NBAS: variants seen among roughly 807,000 people sequenced by gnomAD.
NBAS encodes the protein NAG/BC035112 fusion.
NBAS carries 219 observed loss-of-function variants against 302.5 expected under a neutral mutation model. That is an observed-to-expected ratio of 0.72 (90% CI 0.65 to 0.81). The LOEUF (loss-of-function observed/expected upper bound fraction) is 0.81. Ranked by LOEUF, NBAS falls within the 30% of genes least tolerant of loss-of-function variation. The probability of loss-of-function intolerance (pLI) is 0.00; values close to 1 mark genes in which losing one functional copy is unlikely to be tolerated. For missense variants in NBAS, 2,932 were observed against 2,841.6 expected (o/e 1.03, Z -0.72); for synonymous variants, 1,118 against 1,021.6 (o/e 1.09, Z -1.80).
At chr2:15,450,055 C>A (rs1278974833) in intron 21 of NBAS, among the ~76,000 whole-genome samples, 3 of 152,014 alleles carry the variant, frequency 2.0e-5, no homozygotes, top group Non-Finnish European at 4.4e-5. Flanking sequence ...CATCATCCAG[C>A]CTACAGTTAA....
At chr2:15,483,261 C>G (rs976625433) in intron 12 of NBAS, 1 of 313,998 alleles carries the variant, frequency 3.2e-6, no homozygotes, top group South Asian at 3.1e-5. Flanking sequence ...AAAGAACTCA[C>G]AGTCTGGTGA....
chr2:15,269,950 G>T (rs1021438479), intron 44 of NBAS, among the ~76,000 whole-genome samples: 2 of 152,126 alleles, frequency 1.3e-5, no homozygotes, highest in Non-Finnish European at 2.9e-5. Context: ...TCTGTGTAAG[G>T]CTGGATTTTC....
the NBAS span, among the ~76,000 whole-genome samples, chr2:15,141,148 C>T: frequency 1.3e-5 from 2 of 151,984 alleles, no homozygotes; most frequent in Non-Finnish European, 2.9e-5. Context: ...TCGCTCCCAT[C>T]CCCTTTTCCC....
the NBAS span, among the ~76,000 whole-genome samples, chr2:14,913,674 G>A: frequency 6.6e-6 from 1 of 152,174 alleles, no homozygotes; most frequent in Admixed American, 6.5e-5. Context: ...GTGGATGGTG[G>A]GGCAAAGGGC....
chr2:15,511,077 C>T (rs777085880), intron 10 of NBAS, 135 bp downstream of exon 10: 21 of 1,074,228 alleles, frequency 2.0e-5, no homozygotes, highest in Non-Finnish European at 2.6e-5. Context: ...TAAAATTATA[C>T]CAGCATTAAT....
intron 35 of NBAS, among the ~76,000 whole-genome samples, chr2:15,346,938 G>A (rs551547486): frequency 6.6e-6 from 1 of 152,278 alleles, no homozygotes; most frequent in East Asian, 1.9e-4. Context: ...ACTCATAAGT[G>A]AGAGATGAAC....
chr2:14,855,789 T>C, the NBAS span, among the ~76,000 whole-genome samples: 1 of 152,070 alleles, frequency 6.6e-6, no homozygotes, highest in Non-Finnish European at 1.5e-5. Context: ...GATTTTTGAC[T>C]CTAGGCCCTG....
chr2:15,294,883 T>C (rs1013984721), intron 40 of NBAS, among the ~76,000 whole-genome samples: 3 of 152,186 alleles, frequency 2.0e-5, no homozygotes, highest in Non-Finnish European at 4.4e-5. Flanking sequence ...ACCTGGTGCT[T>C]TCAGACTGAA....
the NBAS span, among the ~76,000 whole-genome samples, chr2:15,103,540 C>A: frequency 1.3e-5 from 2 of 152,272 alleles, 1 homozygote; most frequent in African/African-American, 4.8e-5. Context: ...TTGCCTTGCC[C>A]CACTACTATA....
chr2:15,018,695 A>G, the NBAS span, among the ~76,000 whole-genome samples: 1 of 152,142 alleles, frequency 6.6e-6, no homozygotes, highest in Non-Finnish European at 1.5e-5. Context: ...ATGCATGTAG[A>G]GGAAGGTAGT....
chr2:14,925,963 G>T, the NBAS span, among the ~76,000 whole-genome samples: 1 of 152,158 alleles, frequency 6.6e-6, no homozygotes, highest in African/African-American at 2.4e-5. Flanking sequence ...GAGGATGTAG[G>T]ATCCTCTGGT....
At chr2:15,349,359 G>C (rs1228068571) in intron 35 of NBAS, among the ~76,000 whole-genome samples, 2 of 152,194 alleles carry the variant, frequency 1.3e-5, no homozygotes, top group Non-Finnish European at 2.9e-5. Context: ...AGAGAGAACA[G>C]CAAAGAAATG....
Position 15,277,029 on chromosome 2 carries a change from T to C in NBAS, c.5211A>G (p.Glu1737=), listed in dbSNP as rs928321527. 1.2e-6 allele frequency: 2 copies of C among 1,613,860 alleles called. No homozygotes were observed. The highest frequency in any genetic ancestry group is 1.7e-6 in the Non-Finnish European group (2 of 1,179,960). ...HLFETLKTDP[E]AFHQHMVKYI... ...ACTTGACCATGTGCTGGTGAAAGGC[T>C]TCTGGATCAGTCTTCAAAGTCTCAA... The change falls in exon 43 of 52, where the codon GAA becomes GAG. Residue 1737 remains glutamate, a synonymous_variant. Coordinates refer to ENST00000281513, the MANE Select transcript of NBAS (RefSeq NM_015909.4).
intron 9 of NBAS, among the ~76,000 whole-genome samples, chr2:15,533,420 T>C (rs989444237): frequency 6.6e-6 from 1 of 152,236 alleles, no homozygotes; most frequent in South Asian, 2.1e-4. Flanking sequence ...ATTTGTAAAA[T>C]GAAATGTCCT....
At chr2:15,545,628 T>G (rs1458655539) in intron 6 of NBAS, among the ~76,000 whole-genome samples, 2 of 152,218 alleles carry the variant, frequency 1.3e-5, no homozygotes, top group Non-Finnish European at 2.9e-5. Context: ...ACTAGTATTT[T>G]AACTAAACTC....
At chr2:15,436,020 A>G (rs1005703526) in intron 21 of NBAS, among the ~76,000 whole-genome samples, 18 of 152,224 alleles carry the variant, frequency 1.2e-4, no homozygotes, top group Non-Finnish European at 2.6e-4. Context: ...TAAAAGGTAT[A>G]TATCACAATT....
At chr2:14,817,026 C>T in the NBAS span, among the ~76,000 whole-genome samples, 1 of 152,196 alleles carries the variant, frequency 6.6e-6, no homozygotes, top group Non-Finnish European at 1.5e-5. Flanking sequence ...TAATTAGCCT[C>T]TTCCCTGAGG....
At chr2:14,924,565 TC>T in the NBAS span, among the ~76,000 whole-genome samples, 1 of 152,312 alleles carries the variant, frequency 6.6e-6, no homozygotes, top group South Asian at 2.1e-4. Context: ...GCTGAGATAC[TC>T]CCATCAGTGT....
chr2:15,473,950 T>C lies in NBAS; in HGVS notation c.1599+117A>G, dbSNP rs551612679. 860 of 1,223,892 alleles carry C rather than the reference T, an allele frequency of 7.0e-4. 3 individuals carry two copies. The highest frequency in any genetic ancestry group is 8.4e-4 in the Admixed American group (43 of 51,394). The allele number at this position is 1,223,892 out of a possible 1,614,324, so 75.8% of individuals were successfully genotyped here. A position where few individuals can be genotyped will look rare whatever the true frequency, so the allele number is the denominator to read the frequency against. The stretch of plus-strand genomic sequence containing the variant: ...CTTTATAGAACTGATATTTTTAACA[T>C]GTCAATGATCCAACATCCCTCTTGA... On this transcript the variant is annotated intron_variant, in intron 15 of 51. Coordinates refer to ENST00000281513, the MANE Select transcript of NBAS (RefSeq NM_015909.4).
Sources: gnomAD v4.1 joint callset for allele counts (sites outside exome capture counted in the v4.1 genomes callset) on GRCh38, gnomAD v4.1.1 for gene constraint, MANE v1.5 for transcripts, NCBI Gene and HGNC (gene_info 2026-07-23, HGNC 2026-07-21) for gene names.